The following TMEFF2 variants were observed in gnomAD, a reference collection of about 807,000 sequenced individuals.
The protein encoded by TMEFF2 is tomoregulin-2.
In TMEFF2, 28 loss-of-function variants were observed where a neutral mutation model predicts 53.8. That is an observed-to-expected ratio of 0.52 (90% CI 0.39 to 0.71). TMEFF2 has a LOEUF of 0.71. Among genes scored for constraint, TMEFF2 ranks in the 30% least tolerant of loss-of-function variants. TMEFF2 has a pLI of 0.00. For synonymous variants in TMEFF2, 162 were observed against 166.3 expected (o/e 0.97, Z 0.20); for missense variants, 353 against 455.2 (o/e 0.78, Z 2.04).
At position 192,034,082 on chromosome 2, in the gene TMEFF2, G is replaced by A. The variant is rs187406847; in HGVS notation, c.536+23597C>T. Among the ~76,000 whole-genome samples, 363 of 151,788 alleles carry A rather than the reference G, an allele frequency of 2.4e-3. 1 individual carries two copies. The highest frequency in any genetic ancestry group is 4.6e-3 in the Admixed American group (70 of 15,258). On this transcript the variant is annotated intron_variant, in intron 5 of 9. Transcript: ENST00000272771. The stretch of plus-strand genomic sequence containing the variant: ...CCCAGCTACTCAGGAGGCTGAGGAA[G>A]GAGAATGGCGTGAACCCGGGAGGCG...
intron 7 of TMEFF2, among the ~76,000 whole-genome samples, chr2:191,962,127 C>G (rs1467754000): frequency 6.6e-6 from 1 of 152,180 alleles, no homozygotes; most frequent in Non-Finnish European, 1.5e-5. Context: ...GAGACCAAGT[C>G]CTTCAACATT....
chr2:192,004,162 A>C (rs1305559100), intron 5 of TMEFF2, among the ~76,000 whole-genome samples: 1 of 152,154 alleles, frequency 6.6e-6, no homozygotes, highest in Non-Finnish European at 1.5e-5. Flanking sequence ...TCATTGTGCT[A>C]TATATTAACA....
At chr2:191,994,502 T>C (rs2105830007) in intron 7 of TMEFF2, among the ~76,000 whole-genome samples, 1 of 151,612 alleles carries the variant, frequency 6.6e-6, no homozygotes, top group South Asian at 2.1e-4. Context: ...TATACATATA[T>C]ATACTGGATA....
intron 5 of TMEFF2, among the ~76,000 whole-genome samples, chr2:192,049,654 A>C (rs1160907919): frequency 2.0e-5 from 3 of 152,132 alleles, no homozygotes; most frequent in Non-Finnish European, 4.4e-5. Flanking sequence ...TAGGCAACCT[A>C]CCATTAACAG....
chr2:192,128,487 T>C (rs1252642591), intron 4 of TMEFF2, among the ~76,000 whole-genome samples: 1 of 152,192 alleles, frequency 6.6e-6, no homozygotes, highest in Admixed American at 6.5e-5. Flanking sequence ...AAAGGACATC[T>C]TAAAAATGAA....
intron 4 of TMEFF2, among the ~76,000 whole-genome samples, chr2:192,135,235 T>C (rs2105983023): frequency 6.6e-6 from 1 of 152,278 alleles, no homozygotes; most frequent in East Asian, 1.9e-4. Context: ...ACAGCTGATA[T>C]CTCCTCGTGC....
chr2:191,965,349 ACTT>A (rs1692439289), intron 7 of TMEFF2, among the ~76,000 whole-genome samples: 1 of 152,132 alleles, frequency 6.6e-6, no homozygotes. Flanking sequence ...CAAGATTTCT[ACTT>A]CTTAAGTATC....
intron 4 of TMEFF2, among the ~76,000 whole-genome samples, chr2:192,082,408 A>G (rs1336790396): frequency 1.3e-5 from 2 of 152,160 alleles, no homozygotes. Context: ...GCTAAATATT[A>G]CCTACTTGTC....
At chr2:192,135,848 T>G (rs557568879) in intron 4 of TMEFF2, among the ~76,000 whole-genome samples, 1 of 151,578 alleles carries the variant, frequency 6.6e-6, no homozygotes, top group Non-Finnish European at 1.5e-5. Flanking sequence ...CTTAACTGAG[T>G]GATTAACCCT....
intron 7 of TMEFF2, among the ~76,000 whole-genome samples, chr2:191,965,256 T>C (rs1020740662): frequency 1.3e-5 from 2 of 152,152 alleles, no homozygotes; most frequent in African/African-American, 4.8e-5. Context: ...CTTCCCCTGC[T>C]TCTTATCCCA....
chr2:191,997,346 C>T (rs1160220410), intron 7 of TMEFF2, among the ~76,000 whole-genome samples: 1 of 151,620 alleles, frequency 6.6e-6, no homozygotes, highest in African/African-American at 2.4e-5. Flanking sequence ...TCTATATTAA[C>T]TAATTTTTTA....
chr2:192,132,489 C>G lies in TMEFF2; in HGVS notation c.439+47179G>C, dbSNP rs552998689. Among the ~76,000 whole-genome samples, 356 of 152,154 alleles carry G rather than the reference C, an allele frequency of 2.3e-3. 1 individual carries two copies. Among genetic ancestry groups the G allele is most frequent in the African/African-American group, 8.0e-3 (332 of 41,500 alleles). ...TCTGCTCCTGACATTAAATAAAACT[C>G]CAAAAAATAGATTCTGGCCCTCAAA... On this transcript the variant is annotated intron_variant, in intron 4 of 9. Transcript: ENST00000272771.
At chr2:192,068,641 A>G (rs1688218852) in intron 4 of TMEFF2, among the ~76,000 whole-genome samples, 1 of 151,820 alleles carries the variant, frequency 6.6e-6, no homozygotes, top group Non-Finnish European at 1.5e-5. Flanking sequence ...CTCTTTTCTT[A>G]TTGATGAAGA....
At chr2:192,193,751 G>T (rs1559167063) in intron 1 of TMEFF2, among the ~76,000 whole-genome samples, 1 of 27,164 alleles carries the variant, frequency 3.7e-5, no homozygotes, top group African/African-American at 9.7e-5. Flanking sequence ...GAGAGAGAGA[G>T]ATAGATAGAT....
chr2:191,982,420 AT>A (rs774785461), intron 7 of TMEFF2, among the ~76,000 whole-genome samples: 6 of 150,158 alleles, frequency 4.0e-5, no homozygotes, highest in Non-Finnish European at 8.9e-5. Flanking sequence ...CAGTTCTGAG[AT>A]TTTCCCATCT....
intron 5 of TMEFF2, among the ~76,000 whole-genome samples, chr2:192,037,575 TG>T (rs1559096761): frequency 8.0e-4 from 1 of 1,246 alleles, no homozygotes; most frequent in East Asian, 0.25. Flanking sequence ...GAGTAACAAG[TG>T]TGTGTGTGTG....
At chr2:192,053,687 C>T (rs1314819033) in intron 5 of TMEFF2, among the ~76,000 whole-genome samples, 1 of 152,154 alleles carries the variant, frequency 6.6e-6, no homozygotes, top group South Asian at 2.1e-4. Flanking sequence ...AGAACCTGGC[C>T]GTGGTGTCAT....
At chr2:192,112,369 T>A (rs2105956695) in intron 4 of TMEFF2, among the ~76,000 whole-genome samples, 1 of 152,268 alleles carries the variant, frequency 6.6e-6, no homozygotes, top group Non-Finnish European at 1.5e-5. Flanking sequence ...GCTTTAAGAT[T>A]TTACTGCCCC....
intron 4 of TMEFF2, among the ~76,000 whole-genome samples, chr2:192,078,207 T>TAC (rs766754243): frequency 3.7e-4 from 57 of 152,150 alleles, no homozygotes; most frequent in Non-Finnish European, 7.4e-4. Context: ...TGTCTTTGGG[T>TAC]AATCAGTAAA....
Sources: allele counts gnomAD v4.1 joint callset (sites outside exome capture counted in the v4.1 genomes callset), GRCh38; gene constraint gnomAD v4.1.1; transcripts MANE v1.5; gene names NCBI Gene and HGNC (gene_info 2026-07-23, HGNC 2026-07-21).